Variants in SLC4A4 observed in about 807,000 individuals in gnomAD.
SLC4A4 encodes the protein solute carrier family 4 member 4.
Under a neutral mutation model 111.5 loss-of-function variants are expected in SLC4A4, and 27 were observed. The observed-to-expected ratio is 0.24, with a 90% CI of 0.18 to 0.33. The LOEUF (loss-of-function observed/expected upper bound fraction) is 0.33, where lower values mean the gene tolerates loss of function less well. SLC4A4 is among the 10% of genes least tolerant of loss of function. The pLI is 1.00. For missense variants in SLC4A4, 909 were observed against 1,315.5 expected (o/e 0.69, Z 4.78); for synonymous variants, 443 against 463.4 (o/e 0.96, Z 0.57).
At chr4:71,328,909 G>C (rs1457746883) in intron 3 of SLC4A4, among the ~76,000 whole-genome samples, 1 of 151,754 alleles carries the variant, frequency 6.6e-6, no homozygotes, top group Non-Finnish European at 1.5e-5. Context: ...CAATATCCTG[G>C]AGTTTCCCCA....
At chr4:71,289,572 T>C (rs758027678) in intron 3 of SLC4A4, among the ~76,000 whole-genome samples, 4 of 152,062 alleles carry the variant, frequency 2.6e-5, no homozygotes, top group African/African-American at 4.8e-5. Flanking sequence ...AAGTAACATA[T>C]CAATAAGTGG....
intron 12 of SLC4A4, among the ~76,000 whole-genome samples, chr4:71,458,489 C>T: frequency 6.6e-6 from 1 of 151,830 alleles, no homozygotes; most frequent in East Asian, 1.9e-4. Flanking sequence ...AAATATAATC[C>T]TATTTTCACA....
intron 2 of SLC4A4, among the ~76,000 whole-genome samples, chr4:71,100,841 A>G (rs1337250811): frequency 6.6e-6 from 1 of 152,242 alleles, no homozygotes; most frequent in Non-Finnish European, 1.5e-5. Context: ...AGTCCCATTC[A>G]CAATTGCCAC....
At chr4:71,527,317 G>A (rs1733504991) in intron 16 of SLC4A4, among the ~76,000 whole-genome samples, 1 of 152,066 alleles carries the variant, frequency 6.6e-6, no homozygotes, top group Admixed American at 6.6e-5. Flanking sequence ...GTGATGAGAA[G>A]TGGCAGGATC....
chr4:71,278,659 T>C (rs1723264708), intron 3 of SLC4A4, among the ~76,000 whole-genome samples: 1 of 152,228 alleles, frequency 6.6e-6, no homozygotes, highest in African/African-American at 2.4e-5. Flanking sequence ...AGATGTCTTA[T>C]TGTGGTTTTA....
At chr4:71,185,223 T>C (rs1038754890), upstream of SLC4A4, among the ~76,000 whole-genome samples, 2 of 152,226 alleles carry the variant, frequency 1.3e-5, no homozygotes, top group African/African-American at 2.4e-5. Context: ...ACGATTATAA[T>C]GAGAAATTGC....
chr4:71,446,873 C>A (rs1308182980), intron 8 of SLC4A4, among the ~76,000 whole-genome samples: 1 of 152,208 alleles, frequency 6.6e-6, no homozygotes, highest in African/African-American at 2.4e-5. Flanking sequence ...CAACATGCCA[C>A]AGGGCAAAGG....
At position 71,567,054 on chromosome 4, in the gene SLC4A4, T is replaced by C; in HGVS notation, c.*7T>C. On this transcript the variant is annotated 3_prime_UTR_variant, in exon 25 of 26. Transcript: ENST00000264485. Reference sequence around the variant, plus strand: ...ACGCCACACATCATGCTGATAAAATTCCTTTCCTTCAGTCACTCGGTATGC... The same window carrying C: ...ACGCCACACATCATGCTGATAAAATCCCTTTCCTTCAGTCACTCGGTATGC... 6.2e-7 allele frequency: 1 copy of C among 1,610,126 alleles called. No homozygotes were observed. The highest frequency in any genetic ancestry group is 8.5e-7 in the Non-Finnish European group (1 of 1,177,518).
At chr4:71,331,724 G>T (rs1728009816) in intron 3 of SLC4A4, among the ~76,000 whole-genome samples, 1 of 142,508 alleles carries the variant, frequency 7.0e-6, no homozygotes, top group African/African-American at 2.6e-5. Flanking sequence ...AGGACTTAAA[G>T]TATTGAAAAA....
intron 14 of SLC4A4, among the ~76,000 whole-genome samples, chr4:71,483,739 G>A (rs953875685): frequency 6.6e-6 from 1 of 151,878 alleles, no homozygotes; most frequent in Admixed American, 6.6e-5. Flanking sequence ...GGTCTTTGAG[G>A]AATCACCACA....
At position 71,391,257 on chromosome 4, in the gene SLC4A4, T is replaced by A. The variant is rs531460402; in HGVS notation, c.731-6320T>A. 1.6e-3 allele frequency among the ~76,000 whole-genome samples: 236 copies of A among 152,232 alleles called. 1 individual carries two copies. The highest frequency in any genetic ancestry group is 5.5e-3 in the African/African-American group (230 of 41,562). ...TTTGTGCTACAAATGTTATTTATTC[T>A]TAAGAATAAAAAAAGATTCAATTTA... On this transcript the variant is annotated intron_variant, in intron 6 of 25. Coordinates refer to ENST00000264485, the MANE Select transcript of SLC4A4 (RefSeq NM_001098484.3).
chr4:71,528,920 T>C (rs1353427872), intron 16 of SLC4A4, among the ~76,000 whole-genome samples: 1 of 151,948 alleles, frequency 6.6e-6, no homozygotes, highest in African/African-American at 2.4e-5. Context: ...CATCTCTACA[T>C]AGTAGAATTG....
At chr4:71,476,489 C>T (rs1728386001) in intron 14 of SLC4A4, among the ~76,000 whole-genome samples, 1 of 151,666 alleles carries the variant, frequency 6.6e-6, no homozygotes, top group African/African-American at 2.4e-5. Flanking sequence ...CAGATGGAGT[C>T]GTGATCCTGC....
intron 2 of SLC4A4, among the ~76,000 whole-genome samples, chr4:71,249,094 C>T (rs143800123): frequency 6.6e-6 from 1 of 152,124 alleles, no homozygotes; most frequent in African/African-American, 2.4e-5. Context: ...ATCAGTCTTG[C>T]TTGGGGAACC....
At chr4:71,444,870 T>C (rs1214598578) in intron 8 of SLC4A4, among the ~76,000 whole-genome samples, 1 of 152,196 alleles carries the variant, frequency 6.6e-6, no homozygotes, top group Non-Finnish European at 1.5e-5. Context: ...TCCTGCTGCT[T>C]ATGAATGCTT....
chr4:71,513,152 G>A (rs1290617155), intron 16 of SLC4A4, among the ~76,000 whole-genome samples: 1 of 151,922 alleles, frequency 6.6e-6, no homozygotes, highest in Non-Finnish European at 1.5e-5. Flanking sequence ...TATTAAATAG[G>A]ATTTTTTTTT....
intron 3 of SLC4A4, among the ~76,000 whole-genome samples, chr4:71,261,434 G>A (rs927643235): frequency 2.0e-5 from 3 of 152,198 alleles, no homozygotes. Context: ...AAGAAGGGCT[G>A]TTGGGTGGGA....
intron 15 of SLC4A4, among the ~76,000 whole-genome samples, chr4:71,491,905 T>C (rs2149139477): frequency 6.6e-6 from 1 of 151,852 alleles, no homozygotes; most frequent in South Asian, 2.1e-4. Context: ...ATGAACCTAT[T>C]GATGACACTG....
At chr4:71,322,690 G>A (rs917574591) in intron 3 of SLC4A4, among the ~76,000 whole-genome samples, 2 of 151,990 alleles carry the variant, frequency 1.3e-5, no homozygotes, top group African/African-American at 4.8e-5. Context: ...TGGCAGAAGG[G>A]AGAGAAGTGA....
Sources: gnomAD v4.1 joint callset for allele counts (sites outside exome capture counted in the v4.1 genomes callset) on GRCh38, gnomAD v4.1.1 for gene constraint, MANE v1.5 for transcripts, NCBI Gene and HGNC (gene_info 2026-07-23, HGNC 2026-07-21) for gene names.